RAB23: variants seen among roughly 807,000 people sequenced by gnomAD.
The protein encoded by RAB23 is RAB23, member RAS oncogene family.
RAB23 carries 15 observed loss-of-function variants against 30.0 expected under a neutral mutation model. The observed-to-expected ratio is 0.50, with a 90% CI of 0.33 to 0.77. The LOEUF is 0.77. RAB23 is among the 30% of genes least tolerant of loss of function. The pLI is 0.02. For synonymous variants in RAB23, 93 were observed against 94.0 expected (o/e 0.99, Z 0.06); for missense variants, 243 against 275.4 (o/e 0.88, Z 0.83).
rs192241838 is a variant in RAB23 at position 57,206,135 on chromosome 6, G to C, written c.241+1493C>G. ...GATTGGTAGATAGTCGGGTTTAACT[G>C]GGTTGGGCATTTTGCTGAGCAAGTA... On this transcript the variant is annotated intron_variant, in intron 3 of 6. Transcript: ENST00000468148. Among the ~76,000 whole-genome samples the C allele has an allele frequency of 2.0e-5, 3 of 152,298 alleles. No individual in the cohort carries two copies. The East Asian group carries it at 5.8e-4, about 29-fold the overall frequency.
chr6:57,205,398 G>A (rs902620404), intron 3 of RAB23, among the ~76,000 whole-genome samples: 1 of 152,076 alleles, frequency 6.6e-6, no homozygotes, highest in African/African-American at 2.4e-5. Flanking sequence ...TGTCTCCTAA[G>A]GTCAACTGAA....
chr6:57,199,255 G>A (rs942906418), intron 3 of RAB23, among the ~76,000 whole-genome samples: 5 of 149,880 alleles, frequency 3.3e-5, no homozygotes, highest in East Asian at 1.9e-4. Context: ...TCTGGGTGGC[G>A]GGGGGGTGGA....
chr6:57,206,027 A>T (rs1765444454), intron 3 of RAB23, among the ~76,000 whole-genome samples: 1 of 152,216 alleles, frequency 6.6e-6, no homozygotes, highest in Non-Finnish European at 1.5e-5. Flanking sequence ...CTATGTACTC[A>T]TTAAGGTTAT....
At chr6:57,217,957 CAT>C (rs1765911601) in intron 1 of RAB23, among the ~76,000 whole-genome samples, 1 of 151,946 alleles carries the variant, frequency 6.6e-6, no homozygotes, top group African/African-American at 2.4e-5. Context: ...ACCCTACACA[CAT>C]AAATGTGACA....
chr6:57,207,575 T>G (rs1167771104), intron 3 of RAB23, 53 bp downstream of exon 3: 20 of 1,309,022 alleles, frequency 1.5e-5, no homozygotes, highest in Non-Finnish European at 2.0e-5. Flanking sequence ...AATTATTTAT[T>G]TAGCCAAAAT....
intron 4 of RAB23, 93 bp from the exon 5 acceptor site, chr6:57,194,945 T>C: frequency 1.0e-6 from 1 of 968,680 alleles, no homozygotes; most frequent in Non-Finnish European, 1.6e-6. Flanking sequence ...TGAATACAGT[T>C]TGGCAGGGAA....
intron 3 of RAB23, among the ~76,000 whole-genome samples, chr6:57,199,642 C>T (rs562303121): frequency 2.2e-4 from 34 of 152,120 alleles, no homozygotes; most frequent in African/African-American, 5.8e-4. Context: ...GAAATAAGAT[C>T]GCAAAAATAA....
At chr6:57,217,455 T>C (rs556681738) in intron 1 of RAB23, among the ~76,000 whole-genome samples, 1 of 152,150 alleles carries the variant, frequency 6.6e-6, no homozygotes, top group Admixed American at 6.5e-5. Context: ...ACTACACGCA[T>C]GCATCACCAT....
chr6:57,207,087 T>G (rs553464655), intron 3 of RAB23, among the ~76,000 whole-genome samples: 27 of 152,348 alleles, frequency 1.8e-4, no homozygotes, highest in Non-Finnish European at 2.9e-4. Context: ...TAAGAAAATG[T>G]TAAAGGAAAC....
At chr6:57,191,533 TC>T (rs937535152) in intron 6 of RAB23, among the ~76,000 whole-genome samples, 7 of 152,050 alleles carry the variant, frequency 4.6e-5, no homozygotes, top group Non-Finnish European at 8.8e-5. Flanking sequence ...CACCGCAACT[TC>T]CGCCTCTTGG....
chr6:57,207,779 A>G (rs1208403932), intron 2 of RAB23, 66 bp from the exon 3 acceptor site: 6 of 1,091,412 alleles, frequency 5.5e-6, no homozygotes, highest in Non-Finnish European at 6.9e-6. Flanking sequence ...AGCTTTGTGT[A>G]TATTTTTCAT....
rs1323113913 is a variant in RAB23, at chr6:57,190,524, A to T, written c.651T>A (p.Leu217=). 2 of 1,614,044 alleles carry T rather than the reference A, an allele frequency of 1.2e-6. No homozygotes were observed. The highest frequency in any genetic ancestry group is 1.7e-6 in the Non-Finnish European group (2 of 1,179,906). Reference sequence around the variant, plus strand: ...TCTTGGTCCTTTGTTTGTTGGGTCTAAGATTGATGACATCTCCACCATTGA... The same window carrying T: ...TCTTGGTCCTTTGTTTGTTGGGTCTTAGATTGATGACATCTCCACCATTGA... ...GTLNGGDVIN[L]RPNKQRTKKN... is the part of the protein sequence containing the mutation. Residue 217 remains leucine, a synonymous_variant, in exon 7 of 7, where the codon CTT becomes CTA. Transcript: ENST00000468148.
chr6:57,221,184 G>C (rs187320172), intron 1 of RAB23: 2 of 152,264 alleles, frequency 1.3e-5, no homozygotes, highest in East Asian at 3.9e-4. Context: ...GGTTATATTT[G>C]TAAAAATACT....
In RAB23 at chr6:57,204,865, A is replaced by G. The variant is rs143604547; in HGVS notation, c.241+2763T>C. 1.5e-4 allele frequency among the ~76,000 whole-genome samples: 23 copies of G among 152,206 alleles called. No homozygotes were observed. In the East Asian group the frequency reaches 4.2e-3, roughly 28 times the overall value. ...TAGAGAAACAGTCATGGGGGCAACT[A>G]TAAACAAGGTAGATCCTACTTTCCT... On this transcript the variant is annotated intron_variant, in intron 3 of 6. Transcript: ENST00000468148.
At position 57,222,115 on chromosome 6, in the gene RAB23, C is replaced by G. The variant is rs1766086962; in HGVS notation, c.-455G>C. On this transcript the variant is annotated 5_prime_UTR_variant, in exon 1 of 7. Coordinates refer to ENST00000468148, the MANE Select transcript of RAB23 (RefSeq NM_016277.5). ...GCCGCCGCTGTCTCCTCCCGACGCG[C>G]CAGCTCTCCCTGCGGGGCCGAGCGG... 6.6e-6 allele frequency: 1 copy of G among 152,314 alleles called. No individual in the cohort carries two copies. The highest frequency in any genetic ancestry group is 2.4e-5 in the African/African-American group (1 of 41,470). The allele number at this position is 152,314 out of a possible 1,614,324, so 9.4% of individuals were successfully genotyped here.
intron 3 of RAB23, among the ~76,000 whole-genome samples, chr6:57,206,971 C>T (rs1165389166): frequency 6.6e-6 from 1 of 152,138 alleles, no homozygotes; most frequent in Admixed American, 6.5e-5. Flanking sequence ...GGTATTCCAC[C>T]AAGCTTTTGT....
intron 1 of RAB23, among the ~76,000 whole-genome samples, chr6:57,220,248 G>T (rs1766004890): frequency 6.6e-6 from 1 of 152,112 alleles, no homozygotes; most frequent in African/African-American, 2.4e-5. Context: ...TAAAAAAACT[G>T]ACACTATCAA....
chr6:57,208,476 G>A (rs1765526732), intron 2 of RAB23, among the ~76,000 whole-genome samples: 1 of 151,914 alleles, frequency 6.6e-6, no homozygotes, highest in African/African-American at 2.4e-5. Flanking sequence ...GCGAAACCCT[G>A]TCTCTACCAA....
At position 57,197,231 on chromosome 6, in the gene RAB23, A is replaced by G. The variant is rs953947731; in HGVS notation, c.242-625T>C. On this transcript the variant is annotated intron_variant, in intron 3 of 6. Coordinates refer to ENST00000468148, the MANE Select transcript of RAB23 (RefSeq NM_016277.5). Reference sequence around the variant, plus strand: ...GCCAATGCCAAGAGTATATATATATATAATAGAGGGGTTGGGGGAAACTTA... The same window carrying G: ...GCCAATGCCAAGAGTATATATATATGTAATAGAGGGGTTGGGGGAAACTTA... Among the ~76,000 whole-genome samples, 70 of 152,176 alleles carry G rather than the reference A, an allele frequency of 4.6e-4. 1 individual carries two copies. The highest frequency in any genetic ancestry group is 4.6e-3 in the Admixed American group (70 of 15,276).
Sources: gnomAD v4.1 joint callset for allele counts (sites outside exome capture counted in the v4.1 genomes callset) on GRCh38, gnomAD v4.1.1 for gene constraint, MANE v1.5 for transcripts, NCBI Gene and HGNC (gene_info 2026-07-23, HGNC 2026-07-21) for gene names.